Variants in DLC1 observed in about 807,000 individuals in gnomAD.
DLC1 encodes the protein rho GTPase-activating protein 7.
A neutral mutation model predicts 140.3 loss-of-function variants in DLC1; 54 were observed. The ratio of observed to expected loss-of-function variants is 0.38; its 90% CI spans 0.31 to 0.48. The LOEUF is 0.48. Among genes scored for constraint, DLC1 ranks in the 20% least tolerant of loss-of-function variants. The probability of loss-of-function intolerance (pLI) is 0.96; values close to 1 mark genes in which losing one functional copy is unlikely to be tolerated. For missense variants in DLC1, 2,536 were observed against 1,907.0 expected (o/e 1.33, Z -6.14); for synonymous variants, 986 against 728.1 (o/e 1.35, Z -5.70).
At chr8:13,201,921 GTTTTTT>G (rs35475930) in intron 5 of DLC1, among the ~76,000 whole-genome samples, 9,874 of 101,744 alleles carry the variant, frequency 0.097, 410 homozygotes, top group South Asian at 0.19. Flanking sequence ...TACCCAAAAG[GTTTTTT>G]TTTTTTTTTT....
chr8:13,477,065 C>T (rs934902844), intron 2 of DLC1, among the ~76,000 whole-genome samples: 1 of 152,168 alleles, frequency 6.6e-6, no homozygotes, highest in Non-Finnish European at 1.5e-5. Flanking sequence ...TGCATCTATT[C>T]ACCCATCCGT....
At chr8:13,418,340 C>G (rs185673417) in intron 2 of DLC1, among the ~76,000 whole-genome samples, 6 of 152,058 alleles carry the variant, frequency 3.9e-5, no homozygotes, top group African/African-American at 1.4e-4. Flanking sequence ...GGGTTTTCAT[C>G]GTTTTAGGTC....
intron 4 of DLC1, among the ~76,000 whole-genome samples, chr8:13,375,098 G>T (rs1280608398): frequency 4.0e-5 from 6 of 150,354 alleles, no homozygotes; most frequent in Admixed American, 1.3e-4. Flanking sequence ...CACAATCTTG[G>T]CTCACTGCAA....
intron 10 of DLC1, 26 bp downstream of exon 10, chr8:13,098,373 A>G (rs1211893160): frequency 1.2e-6 from 2 of 1,612,568 alleles, no homozygotes; most frequent in Non-Finnish European, 1.7e-6. Context: ...TTTCAACGAC[A>G]GTTGACTGAT....
chr8:13,096,555 A>G (rs1818514156), intron 10 of DLC1, among the ~76,000 whole-genome samples: 1 of 152,134 alleles, frequency 6.6e-6, no homozygotes, highest in East Asian at 1.9e-4. Context: ...CCGACGGCGG[A>G]ATGTGAAAAG....
chr8:13,356,852 T>C (rs117004340), intron 4 of DLC1, among the ~76,000 whole-genome samples: 1 of 151,526 alleles, frequency 6.6e-6, no homozygotes, highest in East Asian at 1.9e-4. Context: ...ATTATTTTTT[T>C]ATTTTTTATT....
chr8:13,431,265 C>A (rs1017456891), intron 2 of DLC1, among the ~76,000 whole-genome samples: 1 of 151,796 alleles, frequency 6.6e-6, no homozygotes, highest in Non-Finnish European at 1.5e-5. Context: ...GGGCGGATCA[C>A]GAGGTCAGGA....
chr8:13,222,857 C>T (rs1238934366), intron 5 of DLC1, among the ~76,000 whole-genome samples: 3 of 152,148 alleles, frequency 2.0e-5, no homozygotes, highest in African/African-American at 7.2e-5. Flanking sequence ...AATCCTCCCA[C>T]CTCAGCCTCC....
intron 5 of DLC1, among the ~76,000 whole-genome samples, chr8:13,238,895 G>T (rs1829414394): frequency 6.6e-6 from 1 of 152,188 alleles, no homozygotes; most frequent in East Asian, 1.9e-4. Context: ...CATTTGCTGA[G>T]CCTACTGTGT....
chr8:13,388,612 A>C lies in DLC1; in HGVS notation c.1314+4941T>G, dbSNP rs796671832. On this transcript the variant is annotated intron_variant, in intron 4 of 17. Transcript: ENST00000276297. ...GAATTATTCAACACAGGCTTTTTGA[A>C]AATAACATCAAAATAACACTTCAGA... is the stretch of plus-strand genomic sequence containing the variant. 2.6e-5 allele frequency among the ~76,000 whole-genome samples: 4 copies of C among 152,172 alleles called. 1 individual carries two copies. Among genetic ancestry groups the C allele is most frequent in the African/African-American group, 9.6e-5 (4 of 41,562 alleles).
At chr8:13,137,312 G>A (rs1347405958) in intron 5 of DLC1, among the ~76,000 whole-genome samples, 1 of 152,126 alleles carries the variant, frequency 6.6e-6, no homozygotes, top group African/African-American at 2.4e-5. Context: ...ATGTTAGAAG[G>A]GATTTTTTAG....
At position 13,085,237 on chromosome 8, in the gene DLC1, T is replaced by A. The variant is rs1291747606; in HGVS notation, c.*574A>T. On this transcript the variant is annotated 3_prime_UTR_variant, in exon 18 of 18. Coordinates refer to ENST00000276297, the MANE Select transcript of DLC1 (RefSeq NM_182643.3). ...GGTGGATTCAGGGGTAGTCAGATAT[T>A]CCAGGTTAAACTGAACCTGATGCAT... The A allele has an allele frequency of 2.6e-5, 4 of 152,632 alleles. No individual in the cohort carries two copies. In the East Asian group the frequency reaches 7.7e-4, roughly 29 times the overall value. The allele number at this position is 152,632 out of a possible 1,614,324, so 9.5% of individuals were successfully genotyped here.
Position 13,409,968 on chromosome 8 carries a change from A to G in DLC1, c.1024-8349T>C, listed in dbSNP as rs1837717457. 2.6e-5 allele frequency among the ~76,000 whole-genome samples: 4 copies of G among 152,162 alleles called. No homozygotes were observed. The South Asian group carries it at 8.3e-4, about 32-fold the overall frequency. On this transcript the variant is annotated intron_variant, in intron 2 of 17. Coordinates refer to ENST00000276297, the MANE Select transcript of DLC1 (RefSeq NM_182643.3). ...AGCTAGGTTTGAGGAACATTTTAGT[A>G]GATTGCAGAGAAAACCGTTACATGG...
intron 1 of DLC1, among the ~76,000 whole-genome samples, chr8:13,500,428 C>T (rs1183351094): frequency 6.6e-6 from 1 of 152,088 alleles, no homozygotes; most frequent in East Asian, 1.9e-4. Flanking sequence ...CATTTAAAGG[C>T]AGTTGGATTG....
intron 5 of DLC1, among the ~76,000 whole-genome samples, chr8:13,130,369 T>C (rs1209769369): frequency 3.3e-5 from 5 of 152,228 alleles, no homozygotes; most frequent in Admixed American, 6.5e-5. Flanking sequence ...TTCACAGTAA[T>C]AGCTTGTTGA....
At chr8:13,139,611 T>A (rs960221035) in intron 5 of DLC1, among the ~76,000 whole-genome samples, 3 of 152,190 alleles carry the variant, frequency 2.0e-5, no homozygotes, top group African/African-American at 7.2e-5. Flanking sequence ...CCAGCATGCT[T>A]TCCTGAGATA....
chr8:13,092,898 A>G, intron 12 of DLC1, 73 bp from the exon 13 acceptor site: 1 of 1,496,576 alleles, frequency 6.7e-7, no homozygotes, highest in Non-Finnish European at 9.1e-7. Flanking sequence ...GTCCCAGAGC[A>G]AATATCGGCA....
chr8:13,381,275 C>A (rs141152250), intron 4 of DLC1, among the ~76,000 whole-genome samples: 1 of 152,062 alleles, frequency 6.6e-6, no homozygotes, highest in Non-Finnish European at 1.5e-5. Flanking sequence ...AAGCCTCAGC[C>A]GGGAGAAGAT....
rs558018377 is a variant in DLC1, at chr8:13,140,470, C to A, written c.1349-24813G>T. ...CTCTTCTTGAACTCCTGGGCTCAAGCGATTCGCCTGCCTCTGCCTTCCAAA... is the reference window on the plus strand; with the variant it reads ...CTCTTCTTGAACTCCTGGGCTCAAGAGATTCGCCTGCCTCTGCCTTCCAAA... On this transcript the variant is annotated intron_variant, in intron 5 of 17. Coordinates refer to ENST00000276297, the MANE Select transcript of DLC1 (RefSeq NM_182643.3). 1.9e-4 allele frequency among the ~76,000 whole-genome samples: 29 copies of A among 151,452 alleles called. 1 individual carries two copies. The South Asian group carries it at 6.1e-3, about 32-fold the overall frequency.
Sources: gnomAD v4.1 joint callset for allele counts (sites outside exome capture counted in the v4.1 genomes callset) on GRCh38, gnomAD v4.1.1 for gene constraint, MANE v1.5 for transcripts, NCBI Gene and HGNC (gene_info 2026-07-23, HGNC 2026-07-21) for gene names.